PTK2: variants seen among roughly 807,000 people sequenced by gnomAD.
PTK2 encodes protein tyrosine kinase 2, also known as focal adhesion kinase 1.
Under a neutral mutation model 150.1 loss-of-function variants are expected in PTK2, and 45 were observed. The observed-to-expected ratio is 0.30, with a 90% CI of 0.24 to 0.38. The LOEUF is 0.38. Among genes scored for constraint, PTK2 ranks in the 10% least tolerant of loss-of-function variants. The pLI, the probability that PTK2 is intolerant of heterozygous loss-of-function variation, is 1.00. For missense variants in PTK2, 919 were observed against 1,307.3 expected (o/e 0.70, Z 4.58); for synonymous variants, 432 against 449.2 (o/e 0.96, Z 0.48).
chr8:140,987,629 A>G (rs1470537121), intron 1 of PTK2, among the ~76,000 whole-genome samples: 1 of 152,260 alleles, frequency 6.6e-6, no homozygotes, highest in Non-Finnish European at 1.5e-5. Context: ...TAAAATGGCT[A>G]AAATGTACAA....
rs180972537 is a variant in PTK2 at position 140,755,271 on chromosome 8, G to C, written c.1333-2955C>G. ...TCTTGCCTAATAAAGAAAAAAATGT[G>C]TGCCAATCAGATAAACTTCATGTTT... On this transcript the variant is annotated intron_variant, in intron 16 of 31. Coordinates refer to ENST00000522684, the Ensembl canonical transcript of PTK2. 1.7e-3 allele frequency among the ~76,000 whole-genome samples: 266 copies of C among 152,282 alleles called. 2 individuals carry two copies. Among genetic ancestry groups the C allele is most frequent in the African/African-American group, 6.2e-3 (256 of 41,556 alleles).
intron 1 of PTK2, chr8:140,954,802 A>G (rs536696829): frequency 6.6e-6 from 1 of 152,334 alleles, no homozygotes; most frequent in Non-Finnish European, 1.5e-5. Context: ...AAATACTTCT[A>G]ATTTCTCTTT....
chr8:140,720,595 T>C (rs1436634645), intron 22 of PTK2, among the ~76,000 whole-genome samples: 1 of 152,178 alleles, frequency 6.6e-6, no homozygotes, highest in Non-Finnish European at 1.5e-5. Context: ...TGAAGGGTTG[T>C]TGCGAATATC....
At chr8:140,802,927 G>A (rs2100095974) in intron 11 of PTK2, among the ~76,000 whole-genome samples, 1 of 149,380 alleles carries the variant, frequency 6.7e-6, no homozygotes, top group Admixed American at 6.7e-5. Context: ...GCATTTCTCT[G>A]AACGTACCTG....
At chr8:140,943,595 T>C (rs1024857171) in intron 1 of PTK2, among the ~76,000 whole-genome samples, 2 of 152,222 alleles carry the variant, frequency 1.3e-5, no homozygotes, top group African/African-American at 4.8e-5. Flanking sequence ...TATTTAGAAG[T>C]AGGACTGCTG....
At chr8:140,780,852 G>C (rs1009102050) in intron 14 of PTK2, among the ~76,000 whole-genome samples, 1 of 152,188 alleles carries the variant, frequency 6.6e-6, no homozygotes, top group East Asian at 1.9e-4. Context: ...CAGAGGCAGA[G>C]GTGAAATAAA....
chr8:140,700,976 G>A, exon 26 of PTK2: 10 of 1,614,050 alleles, frequency 6.2e-6, no homozygotes, highest in Non-Finnish European at 8.5e-6. Context: ...CATCAGATGG[G>A]TTGGCAACAC....
chr8:140,865,390 C>T (rs1401897018), intron 4 of PTK2, among the ~76,000 whole-genome samples: 5 of 152,084 alleles, frequency 3.3e-5, no homozygotes, highest in South Asian at 4.1e-4. Flanking sequence ...CCTTGTTTTC[C>T]GACTAAATGG....
At chr8:140,807,373 T>C (rs2100098680) in intron 10 of PTK2, among the ~76,000 whole-genome samples, 3 of 152,198 alleles carry the variant, frequency 2.0e-5, no homozygotes, top group African/African-American at 7.2e-5. Flanking sequence ...CTAGGTATAT[T>C]ACATTCAGAT....
chr8:140,697,630 G>A (rs970680908), intron 26 of PTK2, among the ~76,000 whole-genome samples: 8 of 151,984 alleles, frequency 5.3e-5, no homozygotes, highest in Admixed American at 1.3e-4. Flanking sequence ...CACCATGTTG[G>A]CCAGGCCGGT....
rs1300963420 is a variant in PTK2 at position 140,847,968 on chromosome 8, T to C, written c.451-1290A>G. ...GACAACCAGCTCCCCTGTCTCCCAT[T>C]ATCCCTCTGTCTGAATTGCTTGGTA... On this transcript the variant is annotated intron_variant, in intron 5 of 31. Coordinates refer to ENST00000522684, the Ensembl canonical transcript of PTK2. Among the ~76,000 whole-genome samples the C allele has an allele frequency of 3.9e-5, 6 of 152,274 alleles. No individual in the cohort carries two copies. The East Asian group carries it at 1.2e-3, about 29-fold the overall frequency.
At chr8:140,977,394 T>A (rs1477697482) in intron 1 of PTK2, among the ~76,000 whole-genome samples, 1 of 151,996 alleles carries the variant, frequency 6.6e-6, no homozygotes, top group African/African-American at 2.4e-5. Flanking sequence ...GAGGCCAAAG[T>A]GGGCAGATCA....
intron 8 of PTK2, 125 bp from the exon 9 acceptor site, chr8:140,819,145 A>C: frequency 1.1e-6 from 1 of 920,512 alleles, no homozygotes; most frequent in Non-Finnish European, 1.6e-6. Context: ...ACTGCCAAAA[A>C]GTATACTTGT....
chr8:140,769,140 C>T (rs1032730003), intron 14 of PTK2, among the ~76,000 whole-genome samples: 10 of 152,110 alleles, frequency 6.6e-5, no homozygotes, highest in Non-Finnish European at 1.0e-4. Flanking sequence ...TCCCTAATTC[C>T]GTTAGTTTCT....
chr8:140,755,260 G>T (rs1012328657), intron 16 of PTK2, among the ~76,000 whole-genome samples: 1 of 152,062 alleles, frequency 6.6e-6, no homozygotes, highest in Non-Finnish European at 1.5e-5. Context: ...GCCTAATAAA[G>T]AAAAAAATGT....
At chr8:140,894,117 A>T (rs1284021784) in intron 2 of PTK2, among the ~76,000 whole-genome samples, 1 of 152,158 alleles carries the variant, frequency 6.6e-6, no homozygotes, top group Non-Finnish European at 1.5e-5. Flanking sequence ...TTTTGGAGGG[A>T]ATCTGAACTA....
Position 140,819,027 on chromosome 8 carries a change from G to T in PTK2, c.649-7C>A. On this transcript the variant is annotated splice_region_variant and splice_polypyrimidine_tract_variant and intron_variant, in intron 8 of 31. Coordinates refer to ENST00000522684, the Ensembl canonical transcript of PTK2. ...GTTTTCTTAGTGTTTTGGCCTGCAT[G>T]ACAAAATTACCAAAACATCTTGTAA... The T allele has an allele frequency of 1.2e-6, 2 of 1,609,068 alleles. No individual in the cohort carries two copies. The highest frequency in any genetic ancestry group is 2.2e-5 in the South Asian group (2 of 90,072).
intron 22 of PTK2, among the ~76,000 whole-genome samples, chr8:140,729,615 TCAAA>T (rs1284502854): frequency 2.0e-5 from 3 of 152,234 alleles, no homozygotes; most frequent in Non-Finnish European, 2.9e-5. Context: ...TGGTTGATAC[TCAAA>T]CAATGTAAGA....
chr8:140,961,357 T>C (rs2100183098), intron 1 of PTK2, among the ~76,000 whole-genome samples: 1 of 152,126 alleles, frequency 6.6e-6, no homozygotes, highest in Non-Finnish European at 1.5e-5. Flanking sequence ...AATGCAAAGT[T>C]TCCTTTAAGA....
Sources: gnomAD v4.1 joint callset for allele counts (sites outside exome capture counted in the v4.1 genomes callset) on GRCh38, gnomAD v4.1.1 for gene constraint, MANE v1.5 for transcripts, NCBI Gene and HGNC (gene_info 2026-07-23, HGNC 2026-07-21) for gene names.